Variants in CDH13 observed in about 807,000 individuals in gnomAD.
CDH13 encodes cadherin 13, also known as cadherin-13.
CDH13 carries 24 observed loss-of-function variants against 63.8 expected under a neutral mutation model. The ratio of observed to expected loss-of-function variants is 0.38; its 90% confidence interval spans 0.27 to 0.53. The LOEUF is 0.53. Ranked by LOEUF, CDH13 falls within the 20% of genes least tolerant of loss-of-function variation. The pLI is 0.85. For missense variants in CDH13, 1,049 were observed against 903.1 expected, an observed-to-expected ratio of 1.16 and a Z score of -2.07; for synonymous variants, 503 against 355.3, an observed-to-expected ratio of 1.42 and a Z score of -4.67.
At chr16:83,232,464 G>A (rs1378604610) in intron 5 of CDH13, among the ~76,000 whole-genome samples, 1 of 151,470 alleles carries the variant, frequency 6.6e-6, no homozygotes, top group African/African-American at 2.4e-5. Flanking sequence ...GGCAGAAGTT[G>A]CAGTGAGCCA....
intron 10 of CDH13, among the ~76,000 whole-genome samples, chr16:83,686,795 T>G (rs1216005947): frequency 1.3e-5 from 2 of 152,160 alleles, no homozygotes; most frequent in Non-Finnish European, 2.9e-5. Context: ...CTCAAATGTC[T>G]GGAAACAGCC....
intron 1 of CDH13, among the ~76,000 whole-genome samples, chr16:82,678,154 T>C (rs1914142056): frequency 6.6e-6 from 1 of 152,110 alleles, no homozygotes; most frequent in Non-Finnish European, 1.5e-5. Context: ...TGTAAGAATG[T>C]TGTGGCCAAA....
At chr16:83,333,516 C>T (rs762938615) in intron 5 of CDH13, among the ~76,000 whole-genome samples, 4 of 152,068 alleles carry the variant, frequency 2.6e-5, no homozygotes, top group Non-Finnish European at 5.9e-5. Context: ...TGACCTGTGA[C>T]GAGGCTGTGG....
intron 1 of CDH13, among the ~76,000 whole-genome samples, chr16:82,712,300 A>ACATT (rs1212148013): frequency 6.6e-6 from 1 of 152,212 alleles, no homozygotes; most frequent in African/African-American, 2.4e-5. Flanking sequence ...ATTATAGAAT[A>ACATT]CATTTTATTC....
At chr16:82,949,994 T>C (rs1905122151) in intron 2 of CDH13, among the ~76,000 whole-genome samples, 1 of 152,072 alleles carries the variant, frequency 6.6e-6, no homozygotes, top group Non-Finnish European at 1.5e-5. Context: ...ATGGTTAGTA[T>C]CAAGCAGGTA....
chr16:83,594,808 G>A (rs1304209873), intron 7 of CDH13, among the ~76,000 whole-genome samples: 5 of 152,222 alleles, frequency 3.3e-5, no homozygotes, highest in Admixed American at 1.3e-4. Context: ...CATTGTAGCT[G>A]TGCAAAACGT....
Position 83,177,820 on chromosome 16 carries a change from A to C in CDH13, c.484-39525A>C, listed in dbSNP as rs547492432. Among the ~76,000 whole-genome samples, 48 of 152,348 alleles carry C rather than the reference A, an allele frequency of 3.2e-4. 1 individual carries two copies. The highest frequency in any genetic ancestry group is 1.2e-3 in the African/African-American group (48 of 41,598). On this transcript the variant is annotated intron_variant, in intron 4 of 13. Transcript: ENST00000567109. Reference sequence around the variant, plus strand: ...CCCTTATTGTGTGCTCTCATGAAGCACTTACCACAATGATAATTATTTGCA... The same window carrying C: ...CCCTTATTGTGTGCTCTCATGAAGCCCTTACCACAATGATAATTATTTGCA...
At chr16:82,824,045 C>T (rs553011833) in intron 1 of CDH13, 1 of 152,062 alleles carries the variant, frequency 6.6e-6, no homozygotes, top group Non-Finnish European at 1.5e-5. Flanking sequence ...AGGAAATAAA[C>T]AAGAAGAATC....
intron 7 of CDH13, among the ~76,000 whole-genome samples, chr16:83,589,390 C>G (rs991021308): frequency 6.8e-6 from 1 of 146,346 alleles, no homozygotes; most frequent in Non-Finnish European, 1.5e-5. Context: ...ACACCATCTT[C>G]TCTGCTTCCA....
At chr16:83,574,221 T>C (rs1904900748) in intron 7 of CDH13, among the ~76,000 whole-genome samples, 1 of 152,164 alleles carries the variant, frequency 6.6e-6, no homozygotes. Context: ...ATTGTCGTCA[T>C]TATTTTTTGT....
chr16:83,485,518 C>T (rs549706981), intron 6 of CDH13, among the ~76,000 whole-genome samples: 15 of 152,288 alleles, frequency 9.8e-5, no homozygotes, highest in African/African-American at 2.6e-4. Context: ...TAAAATAACA[C>T]GGCTGCTACA....
At chr16:82,684,853 G>C (rs1391707855) in intron 1 of CDH13, among the ~76,000 whole-genome samples, 1 of 152,226 alleles carries the variant, frequency 6.6e-6, no homozygotes, top group Non-Finnish European at 1.5e-5. Context: ...GCCTCCTTCT[G>C]AGAGCTGAGG....
intron 1 of CDH13, among the ~76,000 whole-genome samples, chr16:82,667,405 C>G (rs1157455630): frequency 6.6e-6 from 1 of 152,206 alleles, no homozygotes; most frequent in Non-Finnish European, 1.5e-5. Context: ...CCCTGAGAAG[C>G]CTGCCTCACC....
chr16:82,783,103 G>A (rs1424139476), intron 1 of CDH13, among the ~76,000 whole-genome samples: 3 of 152,174 alleles, frequency 2.0e-5, no homozygotes, highest in Admixed American at 2.0e-4. Context: ...GTGAGCAAAC[G>A]TTCCATTCCG....
At chr16:83,632,192 C>T (rs1283328578) in intron 8 of CDH13, among the ~76,000 whole-genome samples, 2 of 151,536 alleles carry the variant, frequency 1.3e-5, no homozygotes, top group Admixed American at 6.6e-5. Context: ...ACTAGAAGGG[C>T]TGTTTTTATT....
At chr16:83,134,139 G>A (rs1329531958) in intron 4 of CDH13, among the ~76,000 whole-genome samples, 1 of 152,164 alleles carries the variant, frequency 6.6e-6, no homozygotes, top group Non-Finnish European at 1.5e-5. Context: ...GAGGCCACCA[G>A]ATAAATTGCT....
At chr16:82,671,511 C>T (rs1043940032) in intron 1 of CDH13, among the ~76,000 whole-genome samples, 5 of 152,170 alleles carry the variant, frequency 3.3e-5, no homozygotes, top group Non-Finnish European at 7.3e-5. Context: ...AAAACGATTA[C>T]ACCTATACCT....
intron 7 of CDH13, among the ~76,000 whole-genome samples, chr16:83,501,308 C>A (rs1463502943): frequency 2.0e-5 from 3 of 152,178 alleles, no homozygotes; most frequent in Non-Finnish European, 4.4e-5. Context: ...AAACTGGGAA[C>A]CAAAATTAAA....
chr16:83,024,362 C>A (rs867567693), intron 2 of CDH13, among the ~76,000 whole-genome samples: 10 of 151,976 alleles, frequency 6.6e-5, no homozygotes, highest in Non-Finnish European at 4.4e-5. Flanking sequence ...TTTAAAGGGT[C>A]AGTCAGTTAA....
Sources: gnomAD v4.1 joint callset for allele counts (sites outside exome capture counted in the v4.1 genomes callset) on GRCh38, gnomAD v4.1.1 for gene constraint, MANE v1.5 for transcripts, NCBI Gene and HGNC (gene_info 2026-07-23, HGNC 2026-07-21) for gene names.